GABBR2: variants seen among roughly 807,000 people sequenced by gnomAD.
The protein encoded by GABBR2 is gamma-aminobutyric acid type B receptor subunit 2, also known as G-protein coupled receptor 51.
In GABBR2, 23 loss-of-function variants were observed where a neutral mutation model predicts 105.6. The ratio of observed to expected loss-of-function variants is 0.22; its 90% confidence interval spans 0.16 to 0.31. The LOEUF (loss-of-function observed/expected upper bound fraction) is 0.31, where lower values mean the gene tolerates loss of function less well. GABBR2 is among the 10% of genes least tolerant of loss of function. GABBR2 has a pLI of 1.00. For missense variants in GABBR2, 734 were observed against 1,245.5 expected (o/e 0.59, Z 6.18); for synonymous variants, 478 against 499.7 (o/e 0.96, Z 0.58).
intron 4 of GABBR2, among the ~76,000 whole-genome samples, chr9:98,494,811 G>C (rs747375599): frequency 6.6e-6 from 1 of 152,338 alleles, no homozygotes; most frequent in Non-Finnish European, 1.5e-5. Flanking sequence ...GTTGGAGTTG[G>C]CTGGTTGATG....
At chr9:98,567,725 T>C (rs138590121) in intron 2 of GABBR2, among the ~76,000 whole-genome samples, 65 of 152,326 alleles carry the variant, frequency 4.3e-4, no homozygotes, top group African/African-American at 1.5e-3. Context: ...TCCTTGATAC[T>C]GTGAGTTCAG....
rs1185615369 is a variant in GABBR2 at position 98,657,243 on chromosome 9, G to A, written c.321+51174C>T. Among the ~76,000 whole-genome samples, 4 of 152,142 alleles carry A rather than the reference G, an allele frequency of 2.6e-5. No homozygotes were observed. In the East Asian group the frequency reaches 5.8e-4, roughly 22 times the overall value. On this transcript the variant is annotated intron_variant, in intron 1 of 18. Coordinates refer to ENST00000259455, the MANE Select transcript of GABBR2 (RefSeq NM_005458.8). ...AGTGTCAGCTGACATTTATCATTGC[G>A]GTTGCAAAGTGTTGTTTTTCTTATG...
At chr9:98,672,390 CCTTTT>C (rs1830418051) in intron 1 of GABBR2, among the ~76,000 whole-genome samples, 1 of 152,298 alleles carries the variant, frequency 6.6e-6, no homozygotes, top group East Asian at 1.9e-4. Context: ...TCACAACTTC[CCTTTT>C]AAGTGAGAAC....
At position 98,586,040 on chromosome 9, in the gene GABBR2, G is replaced by A. The variant is rs1428326013; in HGVS notation, c.322-7968C>T. Among the ~76,000 whole-genome samples, 5 of 151,852 alleles carry A rather than the reference G, an allele frequency of 3.3e-5. 2 individuals are homozygous for A. The highest frequency in any genetic ancestry group is 7.4e-5 in the Non-Finnish European group (5 of 67,974). On this transcript the variant is annotated intron_variant, in intron 1 of 18. Coordinates refer to ENST00000259455, the MANE Select transcript of GABBR2 (RefSeq NM_005458.8). ...GAAATAATAACTTGCCCAATTTCAG[G>A]TAGTCTAACTTCAGAGCACGGTTTC...
At chr9:98,544,336 C>A (rs1054052078) in intron 2 of GABBR2, among the ~76,000 whole-genome samples, 1 of 152,274 alleles carries the variant, frequency 6.6e-6, no homozygotes, top group African/African-American at 2.4e-5. Context: ...AGAGGGTAGA[C>A]AGCCACTCTC....
chr9:98,614,400 T>C (rs545901615), intron 1 of GABBR2, among the ~76,000 whole-genome samples: 1 of 152,072 alleles, frequency 6.6e-6, no homozygotes, highest in African/African-American at 2.4e-5. Flanking sequence ...GGTGCACGCC[T>C]GTAAATCCCA....
At chr9:98,636,120 C>A (rs1266450437) in intron 1 of GABBR2, among the ~76,000 whole-genome samples, 2 of 152,060 alleles carry the variant, frequency 1.3e-5, no homozygotes, top group Non-Finnish European at 2.9e-5. Flanking sequence ...GGTGGCATAA[C>A]AACATATTAG....
chr9:98,462,082 AG>A (rs1313226945), intron 6 of GABBR2, among the ~76,000 whole-genome samples: 1 of 152,168 alleles, frequency 6.6e-6, no homozygotes, highest in Non-Finnish European at 1.5e-5. Context: ...TCATCAAGAC[AG>A]GGTGATTTTC....
chr9:98,598,114 C>T (rs1441266376), intron 1 of GABBR2, among the ~76,000 whole-genome samples: 5 of 152,170 alleles, frequency 3.3e-5, no homozygotes, highest in Non-Finnish European at 7.3e-5. Flanking sequence ...TGAGCCACTG[C>T]GCCCAGCCTA....
intron 2 of GABBR2, among the ~76,000 whole-genome samples, chr9:98,567,517 A>G (rs1401412160): frequency 6.6e-6 from 1 of 152,150 alleles, no homozygotes; most frequent in African/African-American, 2.4e-5. Flanking sequence ...GTGAGAGTTA[A>G]TTTCATCCAC....
chr9:98,678,157 C>T (rs1830498630), intron 1 of GABBR2, among the ~76,000 whole-genome samples: 1 of 152,104 alleles, frequency 6.6e-6, no homozygotes, highest in Non-Finnish European at 1.5e-5. Flanking sequence ...ACCAGAATTA[C>T]CAATACATGG....
intron 1 of GABBR2, among the ~76,000 whole-genome samples, chr9:98,596,989 C>T (rs950199063): frequency 1.3e-5 from 2 of 152,152 alleles, no homozygotes; most frequent in African/African-American, 2.4e-5. Context: ...CCAGGGCTGA[C>T]TCGCCTTCCC....
At chr9:98,610,923 C>T (rs529748831) in intron 1 of GABBR2, among the ~76,000 whole-genome samples, 1 of 152,194 alleles carries the variant, frequency 6.6e-6, no homozygotes, top group Admixed American at 6.5e-5. Context: ...GCCCGGGAGG[C>T]AAAGGTTGAG....
At chr9:98,635,556 G>T (rs1025830791) in intron 1 of GABBR2, among the ~76,000 whole-genome samples, 1 of 152,150 alleles carries the variant, frequency 6.6e-6, no homozygotes, top group Non-Finnish European at 1.5e-5. Context: ...TCAACAAAAA[G>T]AAAGACACAC....
chr9:98,560,282 A>G (rs1359031318), intron 2 of GABBR2, among the ~76,000 whole-genome samples: 2 of 152,232 alleles, frequency 1.3e-5, no homozygotes, highest in Non-Finnish European at 2.9e-5. Context: ...TAATAGAGTC[A>G]CATGGAGAAA....
At position 98,495,340 on chromosome 9, in the gene GABBR2, G is replaced by A. The variant is rs1025944082; in HGVS notation, c.732+1073C>T. ...ACCTGCTCTGACTGGTGTAACCTGG[G>A]ACCCACACAAGACAGAAGGGACATA... is the stretch of plus-strand genomic sequence containing the variant. On this transcript the variant is annotated intron_variant, in intron 4 of 18. Transcript: ENST00000259455. 2.6e-5 allele frequency among the ~76,000 whole-genome samples: 4 copies of A among 152,306 alleles called. No individual in the cohort carries two copies. In the South Asian group the frequency reaches 8.3e-4, roughly 32 times the overall value.
At chr9:98,390,938 G>T (rs1564046779) in intron 9 of GABBR2, among the ~76,000 whole-genome samples, 1 of 152,084 alleles carries the variant, frequency 6.6e-6, no homozygotes, top group Non-Finnish European at 1.5e-5. Flanking sequence ...GCTCCACAAG[G>T]GGTATTAAGA....
chr9:98,693,185 G>A (rs1830706873), intron 1 of GABBR2, among the ~76,000 whole-genome samples: 1 of 152,182 alleles, frequency 6.6e-6, no homozygotes, highest in Non-Finnish European at 1.5e-5. Flanking sequence ...GAAGCCTGAG[G>A]TCTCCTCTGA....
chr9:98,512,986 C>A (rs1053724330), intron 3 of GABBR2, among the ~76,000 whole-genome samples: 14 of 151,112 alleles, frequency 9.3e-5, no homozygotes, highest in African/African-American at 3.4e-4. Flanking sequence ...GGAGGCATCA[C>A]GCTACCTGAC....
Sources: allele counts gnomAD v4.1 joint callset (sites outside exome capture counted in the v4.1 genomes callset), GRCh38; gene constraint gnomAD v4.1.1; transcripts MANE v1.5; gene names NCBI Gene and HGNC (gene_info 2026-07-23, HGNC 2026-07-21).